DIAPH2: variants seen among roughly 807,000 people sequenced by gnomAD.
The protein encoded by DIAPH2 is diaphanous related formin 2.
Under a neutral mutation model 92.7 loss-of-function variants are expected in DIAPH2, and 35 were observed. That is an observed-to-expected ratio of 0.38 (90% CI 0.29 to 0.50). The LOEUF (loss-of-function observed/expected upper bound fraction) is 0.50. Ranked by LOEUF, DIAPH2 falls within the 20% of genes least tolerant of loss-of-function variation. The pLI, the probability that DIAPH2 is intolerant of heterozygous loss-of-function variation, is 0.94. For missense variants in DIAPH2, 701 were observed against 819.5 expected (o/e 0.86, Z 1.77); for synonymous variants, 301 against 280.4 (o/e 1.07, Z -0.73).
chrX:97,379,486 A>G (rs1476228502), intron 24 of DIAPH2, among the ~76,000 whole-genome samples: 1 of 112,370 alleles, frequency 8.9e-6, no homozygotes, highest in Admixed American at 9.4e-5. Flanking sequence ...TCTGTTCAAC[A>G]GTCCTGTGAT....
At chrX:97,372,395 C>A (rs1421086893) in intron 24 of DIAPH2, among the ~76,000 whole-genome samples, 1 of 112,354 alleles carries the variant, frequency 8.9e-6, no homozygotes, top group African/African-American at 3.2e-5. Flanking sequence ...GTCTGTCAAA[C>A]CTACAGATAT....
At chrX:97,464,191 G>A (rs1036052617) in intron 26 of DIAPH2, among the ~76,000 whole-genome samples, 30 of 106,728 alleles carry the variant, frequency 2.8e-4, no homozygotes, top group Non-Finnish European at 2.1e-4. Context: ...CAGGCCGGGG[G>A]TGGTGGCTCA....
At chrX:97,165,417 G>A (rs919134642) in intron 22 of DIAPH2, among the ~76,000 whole-genome samples, 2 of 111,824 alleles carry the variant, frequency 1.8e-5, no homozygotes, top group South Asian at 7.5e-4. Flanking sequence ...TGAATTATAC[G>A]CTTTTGTTTG....
intron 3 of DIAPH2, among the ~76,000 whole-genome samples, chrX:96,744,995 T>G (rs2064141370): frequency 9.1e-6 from 1 of 110,035 alleles, no homozygotes; most frequent in African/African-American, 3.3e-5. Flanking sequence ...TAACATACTT[T>G]GAGGTGTAAA....
intron 21 of DIAPH2, among the ~76,000 whole-genome samples, chrX:97,122,952 A>G (rs1473908237): frequency 3.6e-5 from 4 of 111,605 alleles, no homozygotes; most frequent in Non-Finnish European, 1.9e-5. Context: ...TAAAAATGTC[A>G]TCATATAATA....
intron 17 of DIAPH2, among the ~76,000 whole-genome samples, chrX:97,001,561 G>T (rs906674558): frequency 3.6e-5 from 4 of 110,910 alleles, no homozygotes; most frequent in Non-Finnish European, 1.9e-5. Flanking sequence ...CAGGAGAATC[G>T]ATTGAACCTG....
At chrX:97,145,322 A>AGTAGTAGTAGTAGTG (rs1160617401) in intron 22 of DIAPH2, among the ~76,000 whole-genome samples, 5 of 107,439 alleles carry the variant, frequency 4.7e-5, no homozygotes, top group Non-Finnish European at 9.6e-5. Flanking sequence ...TAGTAGTAGT[A>AGTAGTAGTAGTAGTG]GTGGTAGTAG....
intron 17 of DIAPH2, among the ~76,000 whole-genome samples, chrX:97,054,128 T>A (rs1289627571): frequency 2.7e-5 from 3 of 112,116 alleles, no homozygotes; most frequent in African/African-American, 9.7e-5. Flanking sequence ...CACCAATGAA[T>A]GACTGTGACA....
At chrX:96,942,614 A>G (rs2065712310) in intron 13 of DIAPH2, among the ~76,000 whole-genome samples, 1 of 111,181 alleles carries the variant, frequency 9.0e-6, no homozygotes, top group Non-Finnish European at 1.9e-5. Flanking sequence ...AAATGGATCA[A>G]TTTATATTTT....
At position 97,161,527 on chromosome X, in the gene DIAPH2, A is replaced by G. The variant is rs185416823; in HGVS notation, c.2719+19733A>G. Among the ~76,000 whole-genome samples, 19 of 110,635 alleles carry G rather than the reference A, an allele frequency of 1.7e-4. No individual in the cohort carries two copies. The East Asian group carries it at 5.4e-3, about 32-fold the overall frequency. ...GCAATACTCCTACCTCACCCTCCCA[A>G]GTAGCTGGACCCACAGGTACATGAT... On this transcript the variant is annotated intron_variant, in intron 22 of 26. Coordinates refer to ENST00000324765, the MANE Select transcript of DIAPH2 (RefSeq NM_006729.5).
In DIAPH2 at chrX:97,425,155, G is replaced by T. The variant is rs191574431; in HGVS notation, c.3146-4495G>T. Among the ~76,000 whole-genome samples, 631 of 111,201 alleles carry T rather than the reference G, an allele frequency of 5.7e-3. 2 individuals carry two copies. The highest frequency in any genetic ancestry group is 0.02 in the African/African-American group (599 of 30,626). On this transcript the variant is annotated intron_variant, in intron 25 of 26. Transcript: ENST00000324765. ...GGATACATAAAATTTCACTTGTGCT[G>T]TTGTCCTCACCTTCTTGTACTTATA... is the stretch of plus-strand genomic sequence containing the variant.
intron 24 of DIAPH2, among the ~76,000 whole-genome samples, chrX:97,351,665 T>A (rs771953700): frequency 9.1e-6 from 1 of 110,366 alleles, no homozygotes; most frequent in African/African-American, 3.3e-5. Flanking sequence ...TAGCCGGGCG[T>A]GGTGGCGGGC....
intron 4 of DIAPH2, among the ~76,000 whole-genome samples, chrX:96,770,411 G>A (rs1003857112): frequency 7.2e-5 from 8 of 111,275 alleles, no homozygotes; most frequent in African/African-American, 9.8e-5. Flanking sequence ...ATTACCTCAC[G>A]TAATATTACA....
At position 96,939,386 on chromosome X, in the gene DIAPH2, A is replaced by G; in HGVS notation, c.1325+4A>G. The G allele has an allele frequency of 1.2e-6, 1 of 855,148 alleles. No individual in the cohort carries two copies. Among genetic ancestry groups the G allele is most frequent in the Non-Finnish European group, 1.7e-6 (1 of 585,977 alleles). The allele number at this position is 855,148 out of a possible 1,213,427, so 70.5% of individuals were successfully genotyped here. A position where few individuals can be genotyped will look rare whatever the true frequency, so the allele number is the denominator to read the frequency against. On this transcript the variant is annotated splice_donor_region_variant and intron_variant, in intron 12 of 26. Coordinates refer to ENST00000324765, the MANE Select transcript of DIAPH2 (RefSeq NM_006729.5). ...TCAGAAATGATTATTATATCAGGTAAGAGGCAGTTCTGAGAGTACTATATT... is the reference window on the plus strand; with the variant it reads ...TCAGAAATGATTATTATATCAGGTAGGAGGCAGTTCTGAGAGTACTATATT...
At position 96,924,341 on chromosome X, in the gene DIAPH2, A is replaced by G. The variant is rs757063766; in HGVS notation, c.978+5724A>G. Among the ~76,000 whole-genome samples the G allele has an allele frequency of 2.1e-4, 23 of 111,975 alleles. No individual in the cohort carries two copies. In the South Asian group the frequency reaches 8.2e-3, roughly 40 times the overall value. ...TTAGAGATATTTGTACAATGTAGTC[A>G]TTTTTGGTATTGACACAAAACTAAC... On this transcript the variant is annotated intron_variant, in intron 9 of 26. Transcript: ENST00000324765.
chrX:96,888,056 TTC>T (rs1252890472), intron 5 of DIAPH2, among the ~76,000 whole-genome samples: 2 of 108,593 alleles, frequency 1.8e-5, no homozygotes, highest in Non-Finnish European at 3.8e-5. Context: ...ACCTCTCTGT[TTC>T]TCTCTCTCTT....
At chrX:97,216,525 C>T (rs1214305422) in intron 22 of DIAPH2, among the ~76,000 whole-genome samples, 1 of 108,030 alleles carries the variant, frequency 9.3e-6, no homozygotes, top group African/African-American at 3.4e-5. Flanking sequence ...AGGCTGGTCT[C>T]GAGTTCCTGG....
At chrX:97,005,409 A>C (rs750989989) in intron 17 of DIAPH2, among the ~76,000 whole-genome samples, 1 of 109,276 alleles carries the variant, frequency 9.2e-6, no homozygotes, top group East Asian at 2.9e-4. Flanking sequence ...TTTAGCAGTG[A>C]AACCGTCTCT....
chrX:97,118,530 C>A (rs2067031836), intron 21 of DIAPH2, among the ~76,000 whole-genome samples: 1 of 111,468 alleles, frequency 9.0e-6, no homozygotes, highest in Non-Finnish European at 1.9e-5. Context: ...TAAACAAATA[C>A]AAAATAAAAC....
Sources: gnomAD v4.1 joint callset for allele counts (sites outside exome capture counted in the v4.1 genomes callset) on GRCh38, gnomAD v4.1.1 for gene constraint, MANE v1.5 for transcripts, NCBI Gene and HGNC (gene_info 2026-07-23, HGNC 2026-07-21) for gene names.